The following MAP3K13 variants were observed in gnomAD, a reference collection of about 807,000 sequenced individuals.
MAP3K13 encodes leucine zipper-bearing kinase.
In MAP3K13, 52 loss-of-function variants were observed where a neutral mutation model predicts 104.0. That is an observed-to-expected ratio of 0.50 (90% CI 0.40 to 0.63). MAP3K13 has a LOEUF of 0.63. Ranked by LOEUF, MAP3K13 falls within the 20% of genes least tolerant of loss-of-function variation. The pLI is 0.00. For synonymous variants in MAP3K13, 394 were observed against 442.2 expected (o/e 0.89, Z 1.37); for missense variants, 914 against 1,218.5 (o/e 0.75, Z 3.72).
chr3:185,329,370 A>T (rs1192271898), intron 2 of MAP3K13: 3 of 615,048 alleles, frequency 4.9e-6, no homozygotes, highest in Admixed American at 5.1e-5. Flanking sequence ...GTCAGCAAAT[A>T]TTTAGCAGTC....
chr3:185,346,329 T>C (rs927935175), intron 2 of MAP3K13, among the ~76,000 whole-genome samples: 4 of 152,208 alleles, frequency 2.6e-5, no homozygotes, highest in African/African-American at 9.7e-5. Context: ...AAATCACCAG[T>C]CTCTCTATAT....
intron 2 of MAP3K13, among the ~76,000 whole-genome samples, chr3:185,434,983 G>C: frequency 6.6e-6 from 1 of 151,546 alleles, no homozygotes; most frequent in East Asian, 1.9e-4. Flanking sequence ...TTTTATTTTT[G>C]TTTTTGTTTG....
intron 3 of MAP3K13, 83 bp downstream of exon 3, chr3:185,437,713 T>C (rs1715120293): frequency 2.2e-6 from 3 of 1,350,268 alleles, no homozygotes; most frequent in Non-Finnish European, 3.0e-6. Context: ...CTTTGAGAGA[T>C]ATTTCAAAAG....
chr3:185,329,187 T>C (rs9863304), intron 2 of MAP3K13: 627,822 of 702,574 alleles, frequency 0.89, 282,164 homozygotes, highest in Middle Eastern at 0.94. Context: ...ACAGGTCCCG[T>C]GTGCACGAAA....
chr3:185,346,533 C>T (rs1722930701), intron 2 of MAP3K13, among the ~76,000 whole-genome samples: 1 of 152,134 alleles, frequency 6.6e-6, no homozygotes, highest in African/African-American at 2.4e-5. Context: ...ATAGTTTTAT[C>T]ATAATTTATT....
intron 2 of MAP3K13, among the ~76,000 whole-genome samples, chr3:185,347,058 C>G (rs1393696219): frequency 6.7e-6 from 1 of 148,698 alleles, no homozygotes; most frequent in Non-Finnish European, 1.5e-5. Flanking sequence ...GCAATCTCGG[C>G]TCACTGCAAC....
At chr3:185,412,436 G>C (rs1713504434) in intron 1 of MAP3K13, among the ~76,000 whole-genome samples, 1 of 152,030 alleles carries the variant, frequency 6.6e-6, no homozygotes, top group Non-Finnish European at 1.5e-5. Context: ...TATATATTGG[G>C]AGTAGAAATT....
At chr3:185,478,674 C>T (rs1210081318) in intron 12 of MAP3K13, among the ~76,000 whole-genome samples, 1 of 151,924 alleles carries the variant, frequency 6.6e-6, no homozygotes, top group Non-Finnish European at 1.5e-5. Context: ...GAGTTCAAGA[C>T]CATCCTGGCC....
intron 7 of MAP3K13, among the ~76,000 whole-genome samples, chr3:185,459,997 C>T (rs1485791272): frequency 2.0e-5 from 3 of 152,156 alleles, no homozygotes; most frequent in Admixed American, 1.3e-4. Context: ...GCTTGTTTCA[C>T]GTGGTGTGTT....
At chr3:185,479,903 ATC>A (rs937039828) in intron 12 of MAP3K13, among the ~76,000 whole-genome samples, 50 of 152,106 alleles carry the variant, frequency 3.3e-4, no homozygotes, top group African/African-American at 1.2e-3. Context: ...AATGGAGAGA[ATC>A]TCTTCCTCTT....
intron 2 of MAP3K13, among the ~76,000 whole-genome samples, chr3:185,287,126 C>T (rs1720541501): frequency 6.6e-6 from 1 of 152,084 alleles, no homozygotes; most frequent in Non-Finnish European, 1.5e-5. Flanking sequence ...ATACTCAGTG[C>T]TTAGTCTTGC....
At chr3:185,438,256 A>G (rs928938140) in intron 3 of MAP3K13, among the ~76,000 whole-genome samples, 1 of 152,064 alleles carries the variant, frequency 6.6e-6, no homozygotes, top group Admixed American at 6.5e-5. Context: ...TGTTCATGCT[A>G]CTGCCCTCCA....
intron 2 of MAP3K13, among the ~76,000 whole-genome samples, chr3:185,307,546 C>CCCCCCCCCCCCCCA (rs58408265): frequency 3.8e-5 from 4 of 103,976 alleles, no homozygotes; most frequent in South Asian, 3.9e-4. Flanking sequence ...GCACCACCCC[C>CCCCCCCCCCCCCCA]TCCCCCGCCA....
chr3:185,436,408 C>G (rs944764011), intron 2 of MAP3K13, among the ~76,000 whole-genome samples: 11 of 152,110 alleles, frequency 7.2e-5, no homozygotes, highest in Admixed American at 3.3e-4. Flanking sequence ...TTTTGAGAGG[C>G]AATGTCATAT....
rs367879120 is a variant in MAP3K13, at chr3:185,399,423, T to C, written c.-85-29074T>C. On this transcript the variant is annotated intron_variant, in intron 1 of 13. Transcript: ENST00000265026. ...TTCCAGACCAGCCTGGCCAACATGG[T>C]GAAACTCCGTCTCTACTAAAGATAC... Among the ~76,000 whole-genome samples the C allele has an allele frequency of 4.6e-5, 7 of 151,372 alleles. No individual in the cohort carries two copies. The East Asian group carries it at 1.2e-3, about 25-fold the overall frequency.
chr3:185,304,261 A>G (rs1256939931), intron 2 of MAP3K13, among the ~76,000 whole-genome samples: 1 of 152,212 alleles, frequency 6.6e-6, no homozygotes, highest in Non-Finnish European at 1.5e-5. Context: ...AGGATGTTCC[A>G]TATGCCCTTG....
At chr3:185,295,762 G>GA (rs1305489152) in intron 2 of MAP3K13, among the ~76,000 whole-genome samples, 1 of 152,018 alleles carries the variant, frequency 6.6e-6, no homozygotes, top group Non-Finnish European at 1.5e-5. Context: ...AATCTTACAA[G>GA]ACAACCTTCA....
chr3:185,298,985 T>C (rs558852670), intron 2 of MAP3K13, among the ~76,000 whole-genome samples: 2 of 152,368 alleles, frequency 1.3e-5, no homozygotes, highest in African/African-American at 4.8e-5. Context: ...GTAATCACAA[T>C]TCTTTTTCGC....
chr3:185,377,818 GAGA>G (rs1189486999), intron 1 of MAP3K13, among the ~76,000 whole-genome samples: 1 of 152,276 alleles, frequency 6.6e-6, no homozygotes, highest in African/African-American at 2.4e-5. Context: ...CCGCTAAGCC[GAGA>G]AGATCTGGGA....
Sources: allele counts gnomAD v4.1 joint callset (sites outside exome capture counted in the v4.1 genomes callset), GRCh38; gene constraint gnomAD v4.1.1; transcripts MANE v1.5; gene names NCBI Gene and HGNC (gene_info 2026-07-23, HGNC 2026-07-21).